The following ATP10B variants were observed in gnomAD, a reference collection of about 807,000 sequenced individuals.
ATP10B encodes phospholipid-transporting ATPase VB.
A neutral mutation model predicts 141.2 loss-of-function variants in ATP10B; 122 were observed. The ratio of observed to expected loss-of-function variants is 0.86; its 90% CI spans 0.75 to 1.00. The LOEUF is 1.00. Among genes scored for constraint, ATP10B ranks in the 50% least tolerant of loss-of-function variants. The pLI is 0.00. For synonymous variants in ATP10B, 685 were observed against 692.0 expected (o/e 0.99, Z 0.16); for missense variants, 1,876 against 1,825.3 (o/e 1.03, Z -0.51).
At chr5:160,668,058 C>T (rs1198402191) in intron 7 of ATP10B, among the ~76,000 whole-genome samples, 1 of 152,036 alleles carries the variant, frequency 6.6e-6, no homozygotes, top group Non-Finnish European at 1.5e-5. Flanking sequence ...GGCAAAAACC[C>T]TGTCTCTACT....
At chr5:160,586,917 C>A (rs1349727121) in intron 24 of ATP10B, among the ~76,000 whole-genome samples, 4 of 152,138 alleles carry the variant, frequency 2.6e-5, no homozygotes, top group African/African-American at 4.8e-5. Flanking sequence ...TGTAGATTGC[C>A]TTTTCACTCT....
At chr5:160,909,206 C>T in the ATP10B span, among the ~76,000 whole-genome samples, 1 of 152,172 alleles carries the variant, frequency 6.6e-6, no homozygotes, top group Non-Finnish European at 1.5e-5. Flanking sequence ...AGGAAGGATG[C>T]TCTTTTCAGC....
chr5:160,620,292 G>T, intron 15 of ATP10B, 55 bp downstream of exon 15: 1 of 1,536,844 alleles, frequency 6.5e-7, no homozygotes, highest in Non-Finnish European at 8.8e-7. Flanking sequence ...ATTCCACACT[G>T]CTTCTTAAAC....
At chr5:160,624,043 T>C (rs1228985467) in intron 13 of ATP10B, among the ~76,000 whole-genome samples, 1 of 152,228 alleles carries the variant, frequency 6.6e-6, no homozygotes, top group Non-Finnish European at 1.5e-5. Flanking sequence ...GCACAATGCT[T>C]TCACATAAGA....
upstream of ATP10B, among the ~76,000 whole-genome samples, chr5:160,852,702 A>C (rs1359135311): frequency 6.6e-6 from 1 of 152,172 alleles, no homozygotes; most frequent in African/African-American, 2.4e-5. Flanking sequence ...CTTACAGAAA[A>C]TCAGAATTAG....
intron 2 of ATP10B, among the ~76,000 whole-genome samples, chr5:160,748,590 C>T (rs1040615467): frequency 6.6e-6 from 1 of 152,202 alleles, no homozygotes; most frequent in Admixed American, 6.5e-5. Flanking sequence ...GACCTGGCTC[C>T]TGCAGGGGTG....
At chr5:160,778,890 C>T (rs1365326966) in intron 2 of ATP10B, among the ~76,000 whole-genome samples, 1 of 152,120 alleles carries the variant, frequency 6.6e-6, no homozygotes, top group African/African-American at 2.4e-5. Flanking sequence ...ATTAGCTGTG[C>T]TACCCTGAGT....
At chr5:160,901,484 T>A in the ATP10B span, among the ~76,000 whole-genome samples, 1 of 152,108 alleles carries the variant, frequency 6.6e-6, no homozygotes, top group African/African-American at 2.4e-5. Context: ...GGGGATTTAG[T>A]AAGAAAAAGG....
intron 2 of ATP10B, among the ~76,000 whole-genome samples, chr5:160,751,408 C>T (rs1768142294): frequency 1.3e-5 from 2 of 152,184 alleles, no homozygotes; most frequent in Admixed American, 1.3e-4. Context: ...TTGTTTTTCC[C>T]TCAAGTCTTC....
the ATP10B span, among the ~76,000 whole-genome samples, chr5:160,907,165 A>G: frequency 2.0e-5 from 3 of 152,136 alleles, no homozygotes; most frequent in African/African-American, 7.2e-5. Flanking sequence ...GTTTCCTTTT[A>G]TAATCTGGTT....
At chr5:160,841,227 G>T (rs1470757341) in intron 1 of ATP10B, among the ~76,000 whole-genome samples, 2 of 152,122 alleles carry the variant, frequency 1.3e-5, no homozygotes, top group East Asian at 3.8e-4. Flanking sequence ...CAATGCAGTT[G>T]TAAACAAAGA....
chr5:160,904,990 T>G, the ATP10B span, among the ~76,000 whole-genome samples: 1 of 152,196 alleles, frequency 6.6e-6, no homozygotes, highest in Non-Finnish European at 1.5e-5. Flanking sequence ...TTAAGGCTAT[T>G]CAATGAGTGA....
chr5:160,684,303 T>C (rs977072099), intron 6 of ATP10B, among the ~76,000 whole-genome samples: 7 of 152,260 alleles, frequency 4.6e-5, no homozygotes, highest in African/African-American at 1.7e-4. Flanking sequence ...AAGAATTATC[T>C]CCTGCAACTC....
chr5:160,637,045 C>CATCCATCCATCCATGA (rs1759451298), intron 10 of ATP10B, among the ~76,000 whole-genome samples: 1 of 133,740 alleles, frequency 7.5e-6, no homozygotes, highest in South Asian at 2.7e-4. Context: ...TCCATGAATC[C>CATCCATCCATCCATGA]ATCCATCCAT....
At chr5:160,822,236 C>T (rs1445906126) in intron 1 of ATP10B, among the ~76,000 whole-genome samples, 1 of 151,826 alleles carries the variant, frequency 6.6e-6, no homozygotes, top group African/African-American at 2.4e-5. Flanking sequence ...AGAAAACATA[C>T]CAATGGCAAA....
chr5:160,622,730 G>T, intron 13 of ATP10B, 145 bp from the exon 14 acceptor site: 1 of 719,450 alleles, frequency 1.4e-6, no homozygotes, highest in Non-Finnish European at 2.2e-6. Context: ...TCTGGCCATT[G>T]CCAATTCTTA....
At chr5:160,680,920 C>T (rs1763357030) in intron 6 of ATP10B, among the ~76,000 whole-genome samples, 1 of 152,174 alleles carries the variant, frequency 6.6e-6, no homozygotes, top group Non-Finnish European at 1.5e-5. Context: ...TCTTTTCATA[C>T]ATGATCACAT....
chr5:160,628,340 T>C (rs1450718257), intron 13 of ATP10B, among the ~76,000 whole-genome samples: 3 of 152,228 alleles, frequency 2.0e-5, no homozygotes, highest in South Asian at 2.1e-4. Flanking sequence ...ACAGATAGGC[T>C]TCACTGCTTC....
chr5:160,856,065 G>A (rs1753991080), upstream of ATP10B, among the ~76,000 whole-genome samples: 1 of 151,330 alleles, frequency 6.6e-6, no homozygotes, highest in Non-Finnish European at 1.5e-5. Flanking sequence ...TTGGTTTCAT[G>A]CTTTTTCATA....
Sources: gnomAD v4.1 joint callset for allele counts (sites outside exome capture counted in the v4.1 genomes callset) on GRCh38, gnomAD v4.1.1 for gene constraint, MANE v1.5 for transcripts, NCBI Gene and HGNC (gene_info 2026-07-23, HGNC 2026-07-21) for gene names.